The following TTC29 variants were observed in gnomAD, a reference collection of about 807,000 sequenced individuals.
TTC29 encodes tetratricopeptide repeat protein 29.
In TTC29, 49 loss-of-function variants were observed where a neutral mutation model predicts 58.1. That is an observed-to-expected ratio of 0.84 (90% CI 0.67 to 1.07). TTC29 has a LOEUF of 1.07. Among genes scored for constraint, TTC29 ranks in the 50% least tolerant of loss-of-function variants. TTC29 has a pLI of 0.00. For synonymous variants in TTC29, 209 were observed against 196.8 expected, an observed-to-expected ratio of 1.06 and a Z score of -0.52; for missense variants, 582 against 555.6, an observed-to-expected ratio of 1.05 and a Z score of -0.48.
At chr4:146,851,317 TTCAGGATTAGAAGTG>T (rs1729502853) in intron 8 of TTC29, among the ~76,000 whole-genome samples, 1 of 152,192 alleles carries the variant, frequency 6.6e-6, no homozygotes, top group African/African-American at 2.4e-5. Context: ...CACTCAAGGC[TTCAGGATTAGAAGTG>T]TCAGGAACAG....
chr4:146,779,118 C>T (rs990344131), intron 11 of TTC29, among the ~76,000 whole-genome samples: 1 of 151,436 alleles, frequency 6.6e-6, no homozygotes, highest in Non-Finnish European at 1.5e-5. Flanking sequence ...ATGTAGCCTG[C>T]TTAGAATTCC....
At chr4:146,870,993 C>T (rs909416500) in intron 7 of TTC29, among the ~76,000 whole-genome samples, 1 of 151,852 alleles carries the variant, frequency 6.6e-6, no homozygotes, top group African/African-American at 2.4e-5. Flanking sequence ...TTCTGCGAGA[C>T]CAGTATTATT....
intron 11 of TTC29, among the ~76,000 whole-genome samples, chr4:146,784,438 G>T (rs755085821): frequency 1.1e-4 from 16 of 152,092 alleles, no homozygotes; most frequent in Non-Finnish European, 1.9e-4. Context: ...GTGAATGTTT[G>T]TGTCCCCTTA....
At chr4:146,717,196 A>G (rs886381625) in intron 11 of TTC29, among the ~76,000 whole-genome samples, 1 of 152,154 alleles carries the variant, frequency 6.6e-6, no homozygotes, top group African/African-American at 2.4e-5. Flanking sequence ...TTTAGATAAT[A>G]AGTAAATATA....
At chr4:146,848,580 A>G (rs1374842071) in intron 8 of TTC29, among the ~76,000 whole-genome samples, 1 of 152,230 alleles carries the variant, frequency 6.6e-6, no homozygotes, top group Non-Finnish European at 1.5e-5. Context: ...ACAAGCTGAA[A>G]ATAAAATGGC....
At chr4:146,844,713 T>C (rs543662503) in intron 8 of TTC29, among the ~76,000 whole-genome samples, 7 of 152,216 alleles carry the variant, frequency 4.6e-5, no homozygotes, top group South Asian at 4.1e-4. Flanking sequence ...AGGAAATCCA[T>C]TGGAGATCTT....
intron 11 of TTC29, among the ~76,000 whole-genome samples, chr4:146,730,375 G>T (rs983335313): frequency 6.6e-6 from 1 of 152,148 alleles, no homozygotes; most frequent in Non-Finnish European, 1.5e-5. Context: ...GGAGATATCA[G>T]ATAGGAATTA....
chr4:146,865,798 G>C (rs1455313010), intron 8 of TTC29, among the ~76,000 whole-genome samples: 1 of 152,106 alleles, frequency 6.6e-6, no homozygotes, highest in African/African-American at 2.4e-5. Flanking sequence ...TGATGGACAG[G>C]CCAACTAGTT....
intron 11 of TTC29, among the ~76,000 whole-genome samples, chr4:146,746,121 G>A (rs1241843329): frequency 6.6e-6 from 1 of 152,118 alleles, no homozygotes; most frequent in African/African-American, 2.4e-5. Context: ...CTAGCCTTCA[G>A]CTTGTAGATT....
intron 10 of TTC29, among the ~76,000 whole-genome samples, chr4:146,810,286 G>A (rs945628179): frequency 6.6e-6 from 1 of 152,102 alleles, no homozygotes; most frequent in Admixed American, 6.5e-5. Flanking sequence ...GATAGCATTA[G>A]AAGAAATACC....
intron 11 of TTC29, among the ~76,000 whole-genome samples, chr4:146,769,646 C>T (rs1054179511): frequency 1.3e-5 from 2 of 152,070 alleles, no homozygotes; most frequent in Non-Finnish European, 2.9e-5. Context: ...TGTCTGTCTT[C>T]ACTTGGTGAT....
intron 9 of TTC29, 63 bp downstream of exon 9, chr4:146,833,743 A>G (rs1728321378): frequency 2.2e-6 from 3 of 1,351,346 alleles, no homozygotes; most frequent in Admixed American, 1.7e-5. Flanking sequence ...ACCTCAAACA[A>G]TTTAAGCCTT....
chr4:146,873,089 T>G (rs1317086699), intron 7 of TTC29, among the ~76,000 whole-genome samples: 1 of 152,146 alleles, frequency 6.6e-6, no homozygotes, highest in Non-Finnish European at 1.5e-5. Flanking sequence ...ATGCTACACT[T>G]GTGCATTACA....
chr4:146,943,165 T>C (rs1389893177), intron 2 of TTC29, among the ~76,000 whole-genome samples: 2 of 140,848 alleles, frequency 1.4e-5, no homozygotes, highest in African/African-American at 2.6e-5. Context: ...ACAGATCAAC[T>C]GTGCTTTTTT....
At chr4:146,781,519 A>C (rs1748602174) in intron 11 of TTC29, among the ~76,000 whole-genome samples, 1 of 151,904 alleles carries the variant, frequency 6.6e-6, no homozygotes, top group East Asian at 1.9e-4. Flanking sequence ...TAAAACCTTG[A>C]AATATACATG....
intron 6 of TTC29, among the ~76,000 whole-genome samples, chr4:146,889,258 A>C (rs1312721492): frequency 6.6e-6 from 1 of 152,152 alleles, no homozygotes; most frequent in East Asian, 1.9e-4. Flanking sequence ...GATCCACAAT[A>C]ATTCTTTAAT....
chr4:146,870,266 T>C (rs1277332542), intron 7 of TTC29, among the ~76,000 whole-genome samples: 1 of 151,736 alleles, frequency 6.6e-6, no homozygotes, highest in African/African-American at 2.4e-5. Flanking sequence ...AAACAATGGG[T>C]CAAAGAAGAA....
intron 11 of TTC29, among the ~76,000 whole-genome samples, chr4:146,725,181 C>A (rs535335296): frequency 6.6e-6 from 1 of 152,290 alleles, no homozygotes; most frequent in East Asian, 1.9e-4. Flanking sequence ...ATTATATAAA[C>A]TATACTTCAG....
intron 10 of TTC29, among the ~76,000 whole-genome samples, chr4:146,809,022 C>T (rs555829039): frequency 2.9e-5 from 4 of 138,134 alleles, no homozygotes; most frequent in Non-Finnish European, 6.3e-5. Context: ...CAGCATGGTA[C>T]TGGTACCAAA....
Sources: gnomAD v4.1 joint callset for allele counts (sites outside exome capture counted in the v4.1 genomes callset) on GRCh38, gnomAD v4.1.1 for gene constraint, MANE v1.5 for transcripts, NCBI Gene and HGNC (gene_info 2026-07-23, HGNC 2026-07-21) for gene names.